The following BMP2K variants were observed in gnomAD, a reference collection of about 807,000 sequenced individuals.
BMP2K encodes the protein BMP-2-inducible protein kinase.
Under a neutral mutation model 116.0 loss-of-function variants are expected in BMP2K, and 74 were observed. That is an observed-to-expected ratio of 0.64 (90% confidence interval 0.53 to 0.77). The LOEUF (loss-of-function observed/expected upper bound fraction) is 0.77, where lower values mean the gene tolerates loss of function less well. Ranked by LOEUF, BMP2K falls within the 30% of genes least tolerant of loss-of-function variation. The pLI is 0.00. For missense variants in BMP2K, 1,365 were observed against 1,403.6 expected, an observed-to-expected ratio of 0.97 and a Z score of 0.44; for synonymous variants, 486 against 502.5, an observed-to-expected ratio of 0.97 and a Z score of 0.44.
intron 1 of BMP2K, among the ~76,000 whole-genome samples, chr4:78,796,879 T>C (rs1210107791): frequency 6.6e-6 from 1 of 152,136 alleles, no homozygotes; most frequent in Non-Finnish European, 1.5e-5. Flanking sequence ...ACTTCTAAAA[T>C]GTGACCGTGA....
chr4:78,855,365 G>C (rs547643421), intron 7 of BMP2K, among the ~76,000 whole-genome samples: 1 of 152,230 alleles, frequency 6.6e-6, no homozygotes, highest in East Asian at 1.9e-4. Context: ...TTTATGGAGG[G>C]AAAACCAAAC....
chr4:78,905,149 T>C (rs1271458931), intron 15 of BMP2K, among the ~76,000 whole-genome samples: 1 of 151,890 alleles, frequency 6.6e-6, no homozygotes, highest in African/African-American at 2.4e-5. Context: ...TCTCAATTAA[T>C]TGATTAACCC....
chr4:78,790,565 A>G (rs1028102570), intron 1 of BMP2K, among the ~76,000 whole-genome samples: 1 of 152,222 alleles, frequency 6.6e-6, no homozygotes, highest in Admixed American at 6.5e-5. Flanking sequence ...GTTGCCAGCT[A>G]AGAAGACTCA....
intron 1 of BMP2K, among the ~76,000 whole-genome samples, chr4:78,808,828 T>C (rs1372365953): frequency 6.6e-6 from 1 of 152,184 alleles, no homozygotes; most frequent in Non-Finnish European, 1.5e-5. Context: ...ATACTGTATG[T>C]GATTTCAGTC....
At chr4:78,909,679 C>T (rs1015728122) in intron 15 of BMP2K, among the ~76,000 whole-genome samples, 8 of 152,182 alleles carry the variant, frequency 5.3e-5, no homozygotes, top group African/African-American at 1.7e-4. Context: ...TCCTAACTGT[C>T]GTCTCCTTAG....
chr4:78,800,267 C>G (rs1168779514), intron 1 of BMP2K, among the ~76,000 whole-genome samples: 2 of 152,172 alleles, frequency 1.3e-5, no homozygotes, highest in Non-Finnish European at 2.9e-5. Flanking sequence ...CTATCCTCCC[C>G]TTCTGAAGTA....
In BMP2K at chr4:78,911,311, A is replaced by T; in HGVS notation, c.2764A>T (p.Ile922Phe). 1 of 1,613,934 alleles carries T rather than the reference A, an allele frequency of 6.2e-7. No homozygotes were observed. ...CHAVGPEAHT[I>F]PGYPKSVDVF... ...TGCAGTGGGGCCTGAGGCACATACTATCCCTGGTTATCCCAAAAGTGTAGA... is the reference window on the plus strand; with the variant it reads ...TGCAGTGGGGCCTGAGGCACATACTTTCCCTGGTTATCCCAAAAGTGTAGA... Residue 922 changes from isoleucine to phenylalanine, a missense_variant, in exon 16 of 16, where the codon ATC becomes TTC. Transcript: ENST00000502613.
intron 9 of BMP2K, among the ~76,000 whole-genome samples, chr4:78,864,410 G>A (rs937872386): frequency 2.0e-5 from 3 of 150,114 alleles, no homozygotes; most frequent in East Asian, 2.0e-4. Flanking sequence ...TATATATATC[G>A]GTGTATATAT....
chr4:78,854,163 C>CT (rs765059261), intron 7 of BMP2K, among the ~76,000 whole-genome samples: 1,467 of 112,376 alleles, frequency 0.013, 9 homozygotes, highest in Middle Eastern at 0.031. Flanking sequence ...CAGGTAAAAG[C>CT]TTTTTTTTTT....
intron 1 of BMP2K, among the ~76,000 whole-genome samples, chr4:78,781,193 T>A (rs1727488299): frequency 6.6e-6 from 1 of 152,142 alleles, no homozygotes; most frequent in Non-Finnish European, 1.5e-5. Context: ...AGGAAGCTAT[T>A]GAAGGGTTTG....
At chr4:78,811,601 C>T (rs1394003644) in intron 1 of BMP2K, among the ~76,000 whole-genome samples, 1 of 152,078 alleles carries the variant, frequency 6.6e-6, no homozygotes, top group African/African-American at 2.4e-5. Context: ...AAAGTAACAA[C>T]AAAATTGATG....
chr4:78,777,820 A>G (rs1334707694), intron 1 of BMP2K, among the ~76,000 whole-genome samples: 1 of 152,204 alleles, frequency 6.6e-6, no homozygotes, highest in Non-Finnish European at 1.5e-5. Context: ...AAGGGAAAAA[A>G]CCTGAAGATT....
At position 78,804,332 on chromosome 4, in the gene BMP2K, AT is replaced by A. The variant is rs1412362565; in HGVS notation, c.179-21701del. The stretch of plus-strand genomic sequence containing the variant: ...GAATATTCCTTTATATGAATAATAC[AT>A]TTTGTTTATTAATCAGTTAGTGGAC... On this transcript the variant is annotated intron_variant, in intron 1 of 15. Transcript: ENST00000502613. 5.3e-5 allele frequency among the ~76,000 whole-genome samples: 8 copies of A among 152,234 alleles called. No homozygotes were observed. In the East Asian group the frequency reaches 1.5e-3, roughly 29 times the overall value.
At chr4:78,894,421 C>T (rs546260994) in intron 15 of BMP2K, among the ~76,000 whole-genome samples, 3 of 152,316 alleles carry the variant, frequency 2.0e-5, no homozygotes, top group Admixed American at 1.3e-4. Flanking sequence ...CCTGCGTTAC[C>T]TGTACTTACA....
intron 1 of BMP2K, among the ~76,000 whole-genome samples, chr4:78,778,890 G>A (rs558457061): frequency 2.6e-5 from 4 of 152,300 alleles, no homozygotes; most frequent in South Asian, 2.1e-4. Context: ...TAGGCAAAGC[G>A]GTAGAAGCTA....
chr4:78,853,609 TGTAAG>T (rs1416746048), intron 7 of BMP2K, among the ~76,000 whole-genome samples: 1 of 152,118 alleles, frequency 6.6e-6, no homozygotes, highest in Non-Finnish European at 1.5e-5. Context: ...GCTCCTGTGT[TGTAAG>T]GTGATTAAAG....
chr4:78,879,317 A>G, intron 14 of BMP2K: 1 of 993,542 alleles, frequency 1.0e-6, no homozygotes, highest in Non-Finnish European at 1.2e-6. Flanking sequence ...CTGAAAGAAA[A>G]CATGGGCTAC....
rs536226012 is a variant in BMP2K at position 78,785,474 on chromosome 4, C to T, written c.178+8753C>T. Among the ~76,000 whole-genome samples, 22 of 152,204 alleles carry T rather than the reference C, an allele frequency of 1.4e-4. 1 individual carries two copies. In the South Asian group the frequency reaches 3.9e-3, roughly 27 times the overall value. ...TAAGAAGTTGCCTTACATGCTAGTC[C>T]TTGAGATCCGGGTAGAAGCTCAAAT... On this transcript the variant is annotated intron_variant, in intron 1 of 15. Coordinates refer to ENST00000502613, the MANE Select transcript of BMP2K (RefSeq NM_198892.2).
intron 1 of BMP2K, among the ~76,000 whole-genome samples, chr4:78,788,450 G>A (rs1337126324): frequency 6.6e-6 from 1 of 150,998 alleles, no homozygotes; most frequent in South Asian, 2.1e-4. Flanking sequence ...CATTAGCACA[G>A]TATTATGGTT....
Sources: gnomAD v4.1 joint callset for allele counts (sites outside exome capture counted in the v4.1 genomes callset) on GRCh38, gnomAD v4.1.1 for gene constraint, MANE v1.5 for transcripts, NCBI Gene and HGNC (gene_info 2026-07-23, HGNC 2026-07-21) for gene names.